VAT1L: variants seen among roughly 807,000 people sequenced by gnomAD.
VAT1L encodes vesicle amine transport 1 like.
In VAT1L, 34 loss-of-function variants were observed where a neutral mutation model predicts 44.1. That is an observed-to-expected ratio of 0.77 (90% CI 0.59 to 1.03). The LOEUF (loss-of-function observed/expected upper bound fraction) is 1.03, where lower values mean the gene tolerates loss of function less well. VAT1L is among the 50% of genes least tolerant of loss of function. The probability of loss-of-function intolerance (pLI) is 0.00; values close to 1 mark genes in which losing one functional copy is unlikely to be tolerated. For synonymous variants in VAT1L, 253 were observed against 202.2 expected, an observed-to-expected ratio of 1.25 and a Z score of -2.13; for missense variants, 615 against 538.8, an observed-to-expected ratio of 1.14 and a Z score of -1.40.
intron 1 of VAT1L, among the ~76,000 whole-genome samples, chr16:77,802,751 C>G (rs1031300871): frequency 3.3e-5 from 5 of 152,114 alleles, no homozygotes; most frequent in Non-Finnish European, 5.9e-5. Context: ...TGCCGCTGCT[C>G]CCTCCAAACT....
chr16:77,855,791 G>C (rs12447279), intron 3 of VAT1L, among the ~76,000 whole-genome samples: 51,323 of 152,068 alleles, frequency 0.34, 9,028 homozygotes, highest in Admixed American at 0.4. Context: ...AAGCCAAGGC[G>C]GGCGGATCAC....
At chr16:77,808,119 C>T (rs960938668) in intron 1 of VAT1L, among the ~76,000 whole-genome samples, 4 of 152,160 alleles carry the variant, frequency 2.6e-5, no homozygotes, top group African/African-American at 7.2e-5. Flanking sequence ...AGTGAAGCTT[C>T]GTCTCTATTT....
chr16:77,960,829 G>A (rs1009568223), intron 7 of VAT1L, among the ~76,000 whole-genome samples: 1 of 152,018 alleles, frequency 6.6e-6, no homozygotes, highest in East Asian at 1.9e-4. Context: ...AGACAGTAAT[G>A]ACTATAACTA....
At chr16:77,942,305 A>G (rs2017895757) in intron 7 of VAT1L, among the ~76,000 whole-genome samples, 1 of 152,136 alleles carries the variant, frequency 6.6e-6, no homozygotes, top group Non-Finnish European at 1.5e-5. Context: ...CGTGAACAGC[A>G]CATGAAAGAC....
chr16:77,876,533 G>A (rs373546075), intron 5 of VAT1L, 60 bp downstream of exon 5: 2 of 1,459,172 alleles, frequency 1.4e-6, no homozygotes, highest in Non-Finnish European at 9.6e-7. Context: ...ATATGTGCCT[G>A]CAAAGGCTCT....
intron 7 of VAT1L, among the ~76,000 whole-genome samples, chr16:77,945,092 C>A (rs2017943379): frequency 6.6e-6 from 1 of 152,144 alleles, no homozygotes; most frequent in Non-Finnish European, 1.5e-5. Context: ...GCTTAAGTCA[C>A]AGGCCATTCA....
chr16:77,967,206 G>A (rs991496308), intron 7 of VAT1L, among the ~76,000 whole-genome samples: 1 of 152,138 alleles, frequency 6.6e-6, no homozygotes, highest in Non-Finnish European at 1.5e-5. Flanking sequence ...GATCCCCCAT[G>A]GTTCTCACCA....
chr16:77,849,226 G>A (rs2016785601), intron 3 of VAT1L, among the ~76,000 whole-genome samples: 1 of 152,134 alleles, frequency 6.6e-6, no homozygotes. Context: ...ATGGCACTTA[G>A]GTACGTGGCA....
intron 1 of VAT1L, among the ~76,000 whole-genome samples, chr16:77,810,584 C>T (rs780198078): frequency 2.0e-5 from 3 of 152,098 alleles, no homozygotes; most frequent in Non-Finnish European, 2.9e-5. Flanking sequence ...GTGGGAGGAT[C>T]ACCTGAGCCC....
chr16:77,967,366 G>C (rs140800020), intron 7 of VAT1L, among the ~76,000 whole-genome samples: 64 of 152,310 alleles, frequency 4.2e-4, no homozygotes, highest in African/African-American at 1.5e-3. Context: ...AAGAGGCTTG[G>C]TGTGTGTGGA....
At chr16:77,939,585 G>A (rs1213059898) in intron 7 of VAT1L, among the ~76,000 whole-genome samples, 1 of 152,142 alleles carries the variant, frequency 6.6e-6, no homozygotes, top group African/African-American at 2.4e-5. Context: ...CAGTAACCTG[G>A]GTTTGGCTCT....
At chr16:77,808,538 G>A (rs1458373459) in intron 1 of VAT1L, among the ~76,000 whole-genome samples, 1 of 152,016 alleles carries the variant, frequency 6.6e-6, no homozygotes, top group Non-Finnish European at 1.5e-5. Flanking sequence ...AAAAGGTTTG[G>A]GACCGTTGCT....
intron 1 of VAT1L, among the ~76,000 whole-genome samples, chr16:77,802,233 C>T (rs1343432265): frequency 6.6e-6 from 1 of 152,072 alleles, no homozygotes; most frequent in Non-Finnish European, 1.5e-5. Flanking sequence ...CTTTTGTATC[C>T]TTAAGATAGC....
chr16:77,837,060 C>G (rs1177155033), intron 3 of VAT1L, among the ~76,000 whole-genome samples: 1 of 152,100 alleles, frequency 6.6e-6, no homozygotes, highest in Admixed American at 6.6e-5. Flanking sequence ...CATGTGCACT[C>G]TCTTTGAATA....
intron 1 of VAT1L, among the ~76,000 whole-genome samples, chr16:77,816,115 G>A (rs946247584): frequency 5.9e-5 from 9 of 151,708 alleles, no homozygotes; most frequent in African/African-American, 2.2e-4. Context: ...AAAGAGTCCA[G>A]GAGCATTGCT....
At chr16:77,822,773 G>A (rs74029423) in intron 2 of VAT1L, among the ~76,000 whole-genome samples, 3,153 of 152,198 alleles carry the variant, frequency 0.021, 95 homozygotes, top group African/African-American at 0.072. Context: ...TTCTCAAAGC[G>A]AGCAGACCAG....
chr16:77,932,102 ATTTTTT>A (rs33928206), intron 7 of VAT1L, among the ~76,000 whole-genome samples: 1 of 126,608 alleles, frequency 7.9e-6, no homozygotes, highest in South Asian at 2.6e-4. Context: ...AAATACAGTA[ATTTTTT>A]TTTTTTTTTT....
intron 3 of VAT1L, among the ~76,000 whole-genome samples, chr16:77,849,605 G>A (rs550525100): frequency 3.9e-4 from 59 of 152,252 alleles, no homozygotes; most frequent in African/African-American, 1.3e-3. Flanking sequence ...AGGAAACAGC[G>A]GGACATAGAG....
chr16:77,969,414 C>A (rs1245183221), intron 7 of VAT1L, among the ~76,000 whole-genome samples: 1 of 152,008 alleles, frequency 6.6e-6, no homozygotes, highest in Admixed American at 6.6e-5. Flanking sequence ...CTTCCAAGGT[C>A]TCTGTGGTCG....
Sources: allele counts gnomAD v4.1 joint callset (sites outside exome capture counted in the v4.1 genomes callset), GRCh38; gene constraint gnomAD v4.1.1; transcripts MANE v1.5; gene names NCBI Gene and HGNC (gene_info 2026-07-23, HGNC 2026-07-21).